CRIM1: variants seen among roughly 807,000 people sequenced by gnomAD.
The protein encoded by CRIM1 is cysteine-rich motor neuron 1 protein.
CRIM1 carries 32 observed loss-of-function variants against 116.4 expected under a neutral mutation model. The ratio of observed to expected loss-of-function variants is 0.27; its 90% CI spans 0.21 to 0.37. CRIM1 has a LOEUF of 0.37. Ranked by LOEUF, CRIM1 falls within the 10% of genes least tolerant of loss-of-function variation. The pLI is 1.00. For synonymous variants in CRIM1, 590 were observed against 509.2 expected (o/e 1.16, Z -2.13); for missense variants, 1,331 against 1,354.8 (o/e 0.98, Z 0.28).
chr2:36,411,315 C>A (rs188310115), intron 2 of CRIM1, among the ~76,000 whole-genome samples: 7 of 152,266 alleles, frequency 4.6e-5, no homozygotes, highest in Admixed American at 1.3e-4. Context: ...CTCAGCCTGG[C>A]TTCATGTCTG....
intron 1 of CRIM1, among the ~76,000 whole-genome samples, chr2:36,385,780 TG>T (rs1671126309): frequency 6.6e-6 from 1 of 152,178 alleles, no homozygotes; most frequent in Non-Finnish European, 1.5e-5. Flanking sequence ...CCCTGCTGGG[TG>T]ACAGCCTATA....
intron 13 of CRIM1, among the ~76,000 whole-genome samples, chr2:36,534,635 C>T (rs1258063758): frequency 8.0e-6 from 1 of 124,814 alleles, no homozygotes; most frequent in East Asian, 2.4e-4. Flanking sequence ...AAAATACAGA[C>T]AGGAAGGGAA....
intron 8 of CRIM1, among the ~76,000 whole-genome samples, chr2:36,506,177 TCTCTCACA>T (rs1355485533): frequency 2.2e-3 from 189 of 86,286 alleles, no homozygotes; most frequent in Middle Eastern, 6.1e-3. Flanking sequence ...TCTCTCTCTC[TCTCTCACA>T]CACACACACA....
intron 1 of CRIM1, among the ~76,000 whole-genome samples, chr2:36,393,769 A>G (rs1671806316): frequency 6.6e-6 from 1 of 152,222 alleles, no homozygotes; most frequent in Admixed American, 6.5e-5. Flanking sequence ...ACTCCCGAGT[A>G]AAGCATGGGA....
At chr2:36,405,995 T>C in intron 2 of CRIM1, among the ~76,000 whole-genome samples, 1 of 152,228 alleles carries the variant, frequency 6.6e-6, no homozygotes. Context: ...TGCTAAACTT[T>C]ACAAATATGT....
chr2:36,400,177 A>T (rs1672312817), intron 2 of CRIM1, among the ~76,000 whole-genome samples: 1 of 152,218 alleles, frequency 6.6e-6, no homozygotes, highest in Admixed American at 6.5e-5. Context: ...AAAATCAGGG[A>T]GTCAGTGATA....
chr2:36,438,280 TAAG>T (rs1675488908), intron 2 of CRIM1, among the ~76,000 whole-genome samples: 1 of 152,190 alleles, frequency 6.6e-6, no homozygotes, highest in Admixed American at 6.5e-5. Context: ...TAGAATATGA[TAAG>T]AATATATTAA....
At chr2:36,365,408 T>G (rs183673742) in intron 1 of CRIM1, among the ~76,000 whole-genome samples, 4 of 152,320 alleles carry the variant, frequency 2.6e-5, no homozygotes, top group African/African-American at 7.2e-5. Flanking sequence ...CCAGGCCAGG[T>G]TGATATATCT....
At chr2:36,494,657 G>C (rs1461757146) in intron 7 of CRIM1, among the ~76,000 whole-genome samples, 1 of 152,144 alleles carries the variant, frequency 6.6e-6, no homozygotes, top group Non-Finnish European at 1.5e-5. Context: ...TTCCCACTCA[G>C]ATGCTGAGTA....
intron 5 of CRIM1, 61 bp from the exon 6 acceptor site, chr2:36,476,828 A>T: frequency 7.1e-7 from 1 of 1,416,706 alleles, no homozygotes; most frequent in Non-Finnish European, 9.7e-7. Context: ...TTTGAAAAAC[A>T]TCAAAGGACA....
At chr2:36,392,623 A>C (rs1160202234) in intron 1 of CRIM1, among the ~76,000 whole-genome samples, 4 of 152,062 alleles carry the variant, frequency 2.6e-5, no homozygotes, top group Non-Finnish European at 4.4e-5. Flanking sequence ...CCATAATCCA[A>C]CCTCATTACA....
At chr2:36,437,565 G>A (rs994567036) in intron 2 of CRIM1, among the ~76,000 whole-genome samples, 10 of 56,918 alleles carry the variant, frequency 1.8e-4, no homozygotes, top group African/African-American at 9.2e-4. Context: ...AAATCCAACC[G>A]ATTATATTAA....
At chr2:36,501,287 C>T (rs766843102) in intron 8 of CRIM1, among the ~76,000 whole-genome samples, 3 of 152,204 alleles carry the variant, frequency 2.0e-5, no homozygotes, top group Non-Finnish European at 2.9e-5. Context: ...TAACATACCA[C>T]TTAACCTTAA....
At chr2:36,429,961 A>G (rs1363269427) in intron 2 of CRIM1, among the ~76,000 whole-genome samples, 7 of 152,126 alleles carry the variant, frequency 4.6e-5, no homozygotes, top group Non-Finnish European at 8.8e-5. Context: ...CCCTTCAGAG[A>G]GAGTTGTTAA....
chr2:36,359,732 T>A (rs1268616683), intron 1 of CRIM1, among the ~76,000 whole-genome samples: 1 of 152,240 alleles, frequency 6.6e-6, no homozygotes, highest in Non-Finnish European at 1.5e-5. Flanking sequence ...ATTGAATTAT[T>A]CCTTTTGTGG....
At chr2:36,543,393 G>C (rs946401890) in intron 14 of CRIM1, among the ~76,000 whole-genome samples, 3 of 152,134 alleles carry the variant, frequency 2.0e-5, no homozygotes, top group African/African-American at 7.2e-5. Context: ...GAGCAGAGGG[G>C]ATTATTAATC....
At chr2:36,455,532 G>A (rs1677070974) in intron 4 of CRIM1, among the ~76,000 whole-genome samples, 1 of 152,172 alleles carries the variant, frequency 6.6e-6, no homozygotes, top group Non-Finnish European at 1.5e-5. Flanking sequence ...TTGCCAAAGT[G>A]CATTCCCCAA....
chr2:36,524,177 A>G (rs577648366), intron 13 of CRIM1, among the ~76,000 whole-genome samples: 1 of 152,304 alleles, frequency 6.6e-6, no homozygotes, highest in East Asian at 1.9e-4. Context: ...AGCAAACTGG[A>G]TATGTGGTAG....
intron 6 of CRIM1, 73 bp from the exon 7 acceptor site, chr2:36,479,424 A>G: frequency 6.9e-7 from 1 of 1,454,658 alleles, no homozygotes; most frequent in Non-Finnish European, 9.6e-7. Context: ...CAGGGAAAAA[A>G]TGTCTCTGGG....
Sources: allele counts gnomAD v4.1 joint callset (sites outside exome capture counted in the v4.1 genomes callset), GRCh38; gene constraint gnomAD v4.1.1; transcripts MANE v1.5; gene names NCBI Gene and HGNC (gene_info 2026-07-23, HGNC 2026-07-21).